SPAG1: variants seen among roughly 807,000 people sequenced by gnomAD.
The protein encoded by SPAG1 is sperm-associated antigen 1.
Under a neutral mutation model 100.5 loss-of-function variants are expected in SPAG1, and 69 were observed. The ratio of observed to expected loss-of-function variants is 0.69; its 90% CI spans 0.57 to 0.84. The LOEUF is 0.84. Among genes scored for constraint, SPAG1 ranks in the 40% least tolerant of loss-of-function variants. The pLI, the probability that SPAG1 is intolerant of heterozygous loss-of-function variation, is 0.00. For synonymous variants in SPAG1, 336 were observed against 411.6 expected (o/e 0.82, Z 2.22); for missense variants, 955 against 1,133.1 (o/e 0.84, Z 2.26).
At chr8:100,180,086 C>G (rs532768997) in intron 4 of SPAG1, among the ~76,000 whole-genome samples, 1 of 152,332 alleles carries the variant, frequency 6.6e-6, no homozygotes, top group South Asian at 2.1e-4. Context: ...AATTCCAGCA[C>G]TTTGGGAGGC....
intron 10 of SPAG1, among the ~76,000 whole-genome samples, chr8:100,202,343 A>T (rs1586469684): frequency 1.1e-5 from 1 of 87,574 alleles, no homozygotes; most frequent in Non-Finnish European, 2.4e-5. Context: ...CCATTTGTTT[A>T]AAAAAAAAAA....
Position 100,213,139 on chromosome 8 carries a change from G to A in SPAG1, c.1146G>A (p.Met382Ile). 1 of 1,485,396 alleles carries A rather than the reference G, an allele frequency of 6.7e-7. No individual in the cohort carries two copies. The highest frequency in any genetic ancestry group is 8.9e-7 in the Non-Finnish European group (1 of 1,124,910). 92.0% of individuals were successfully genotyped at this position (1,485,396 alleles called of 1,614,324 possible). A position where few individuals can be genotyped will look rare whatever the true frequency, so the allele number is the denominator to read the frequency against. Residue 382 changes from methionine to isoleucine, a missense_variant, in exon 11 of 19, where the codon ATG becomes ATA. Met to Ile is a conservative substitution (Grantham distance 10). Transcript: ENST00000388798. ...GAARAAQPCV[M>I]GNIQKKLTGK... ...CGCGCGCCGCCCAGCCGTGCGTCAT[G>A]GGCAACATCCAGAAGAAGCTGACTG...
chr8:100,224,177 C>G (rs1012376882), intron 13 of SPAG1, among the ~76,000 whole-genome samples: 1 of 151,578 alleles, frequency 6.6e-6, no homozygotes, highest in Non-Finnish European at 1.5e-5. Flanking sequence ...TTATGATGGC[C>G]ATCAGTAAAT....
At chr8:100,227,242 G>A (rs1216222497) in intron 14 of SPAG1, among the ~76,000 whole-genome samples, 4 of 152,172 alleles carry the variant, frequency 2.6e-5, no homozygotes, top group Non-Finnish European at 5.9e-5. Context: ...TATTCCCTTA[G>A]TGCCTACATT....
intron 3 of SPAG1, 90 bp from the exon 4 acceptor site, chr8:100,177,726 C>T: frequency 1.3e-6 from 1 of 743,536 alleles, no homozygotes; most frequent in Non-Finnish European, 2.0e-6. Flanking sequence ...GCAGTTCAAA[C>T]TTATATTGTT....
At position 100,225,338 on chromosome 8, in the gene SPAG1, A is replaced by G. The variant is rs1818460972; in HGVS notation, c.1854A>G (p.Thr618=). 1.9e-6 allele frequency: 3 copies of G among 1,612,656 alleles called. No homozygotes were observed. Among genetic ancestry groups the G allele is most frequent in the Non-Finnish European group, 2.5e-6 (3 of 1,179,342 alleles). Reference sequence around the variant, plus strand: ...GCAGCCATCGCCAGCAGGGCATCACAGGTGGGGGATGCCTGCACTCATTTC... The same window carrying G: ...GCAGCCATCGCCAGCAGGGCATCACGGGTGGGGGATGCCTGCACTCATTTC... The part of the protein sequence containing the change: ...DSSSHRQQGI[T]DEKTFKALKE... The change falls in exon 14 of 19, where the codon ACA becomes ACG. Residue 618 remains threonine (T), a splice_region_variant and synonymous_variant. Coordinates refer to ENST00000388798, the MANE Select transcript of SPAG1 (RefSeq NM_003114.5).
intron 10 of SPAG1, among the ~76,000 whole-genome samples, chr8:100,203,386 A>G (rs1817373094): frequency 6.6e-6 from 1 of 152,202 alleles, no homozygotes; most frequent in East Asian, 1.9e-4. Context: ...ACTAGTATAG[A>G]TTTTAGTACC....
At position 100,225,636 on chromosome 8, in the gene SPAG1, T is replaced by G. The variant is rs74906331; in HGVS notation, c.1855+297T>G. Among the ~76,000 whole-genome samples, 857 of 150,508 alleles carry G rather than the reference T, an allele frequency of 5.7e-3. 21 individuals carry two copies. The East Asian group carries it at 0.078, about 14-fold the overall frequency. On this transcript the variant is annotated intron_variant, in intron 14 of 18. Coordinates refer to ENST00000388798, the MANE Select transcript of SPAG1 (RefSeq NM_003114.5). The stretch of plus-strand genomic sequence containing the variant: ...ACCACACCTGGCTAATTTTAGTGGG[T>G]TTTTTTTTGTTTGTCTTTAGTAGAG...
chr8:100,199,542 T>A (rs1428758643), intron 10 of SPAG1, among the ~76,000 whole-genome samples: 2 of 152,098 alleles, frequency 1.3e-5, no homozygotes, highest in African/African-American at 4.8e-5. Flanking sequence ...GCCTCCCAGG[T>A]TCAAGCAATT....
At position 100,224,979 on chromosome 8, in the gene SPAG1, G is replaced by A. The variant is rs148381142; in HGVS notation, c.1689-194G>A. ...TTGTTTTGATTAAAAAATAGTCTAA[G>A]TTGCATCATTTATGACAACTTGTAA... On this transcript the variant is annotated intron_variant, in intron 13 of 18. Coordinates refer to ENST00000388798, the MANE Select transcript of SPAG1 (RefSeq NM_003114.5). 2.5e-3 allele frequency among the ~76,000 whole-genome samples: 377 copies of A among 152,100 alleles called. 2 individuals carry two copies. The highest frequency in any genetic ancestry group is 8.5e-3 in the African/African-American group (353 of 41,468).
chr8:100,239,471 T>G lies in SPAG1; in HGVS notation c.2280+67T>G. The G allele has an allele frequency of 1.0e-6, 1 of 969,004 alleles. No homozygotes were observed. The allele number at this position is 969,004 out of a possible 1,614,324, so 60.0% of individuals were successfully genotyped here. ...CCTTAGACTGGATTCTAAGGTCATA[T>G]TCCTGTGAGTTCTAAAACATTTTTA... On this transcript the variant is annotated intron_variant, in intron 17 of 18. Coordinates refer to ENST00000388798, the MANE Select transcript of SPAG1 (RefSeq NM_003114.5). The surrounding 1 kb of genome is among the most constrained non-coding windows in gnomAD (Gnocchi z 5.0).
At chr8:100,167,667 A>C (rs562599167) in intron 3 of SPAG1, among the ~76,000 whole-genome samples, 1 of 152,368 alleles carries the variant, frequency 6.6e-6, no homozygotes, top group Admixed American at 6.5e-5. Flanking sequence ...TTAAATATTT[A>C]CAGATTTCTT....
At chr8:100,219,397 A>G (rs879848068) in intron 12 of SPAG1, among the ~76,000 whole-genome samples, 8 of 152,264 alleles carry the variant, frequency 5.3e-5, no homozygotes, top group South Asian at 2.1e-4. Flanking sequence ...GGCTCTTCAT[A>G]GGATCTCTGC....
intron 4 of SPAG1, among the ~76,000 whole-genome samples, chr8:100,180,069 T>C (rs916385699): frequency 1.3e-5 from 2 of 152,140 alleles, no homozygotes; most frequent in African/African-American, 4.8e-5. Flanking sequence ...CAGTGGCTCA[T>C]GCCTGTAATT....
At chr8:100,207,908 G>A (rs1346716163) in intron 10 of SPAG1, among the ~76,000 whole-genome samples, 2 of 152,166 alleles carry the variant, frequency 1.3e-5, no homozygotes, top group Non-Finnish European at 2.9e-5. Context: ...TCAACTAGGT[G>A]ACAATACTTT....
chr8:100,191,158 T>TGCCAGAGG (rs1303998946), intron 8 of SPAG1, among the ~76,000 whole-genome samples: 2 of 152,298 alleles, frequency 1.3e-5, no homozygotes, highest in East Asian at 3.9e-4. Flanking sequence ...GGCCTGGGGC[T>TGCCAGAGG]GCCAGAGGGC....
chr8:100,222,915 G>A (rs115025262), intron 13 of SPAG1, among the ~76,000 whole-genome samples: 372 of 152,244 alleles, frequency 2.4e-3, no homozygotes, highest in African/African-American at 8.7e-3. Flanking sequence ...CCAGTAAGCA[G>A]CCACTCCCCA....
rs1206745143 is a variant in SPAG1, at chr8:100,194,219, T to C, written c.1047T>C (p.Asp349=). The C allele has an allele frequency of 6.2e-7, 1 of 1,606,606 alleles. No homozygotes were observed. Among genetic ancestry groups the C allele is most frequent in the Non-Finnish European group, 8.5e-7 (1 of 1,175,370 alleles). Residue 349 remains aspartate, a synonymous_variant, in exon 10 of 19, where the codon GAT becomes GAC. Transcript: ENST00000388798. ...TTCAGGAAATAGAAAACTCCGAAGA[T>C]GAAGAAGGAAAAAGCGGAAGAAAAC... ...MVIQEIENSE[D]EEGKSGRKHE... is the part of the protein sequence containing the mutation.
At chr8:100,181,294 A>G (rs1167354130) in intron 4 of SPAG1, among the ~76,000 whole-genome samples, 1 of 152,188 alleles carries the variant, frequency 6.6e-6, no homozygotes, top group African/African-American at 2.4e-5. Context: ...ATTTTGATAT[A>G]TCTACACATT....
Sources: allele counts gnomAD v4.1 joint callset (sites outside exome capture counted in the v4.1 genomes callset), GRCh38; gene constraint gnomAD v4.1.1; non-coding constraint Gnocchi (gnomAD v3.1); transcripts MANE v1.5; gene names NCBI Gene and HGNC (gene_info 2026-07-23, HGNC 2026-07-21).